The following BTBD10 variants were observed in gnomAD, a reference collection of about 807,000 sequenced individuals.
The protein encoded by BTBD10 is BTB/POZ domain-containing protein 10.
In BTBD10, 21 loss-of-function variants were observed where a neutral mutation model predicts 53.2. The ratio of observed to expected loss-of-function variants is 0.39; its 90% CI spans 0.28 to 0.57. The LOEUF (loss-of-function observed/expected upper bound fraction) is 0.57. Among genes scored for constraint, BTBD10 ranks in the 20% least tolerant of loss-of-function variants. The pLI is 0.53. For missense variants in BTBD10, 360 were observed against 594.7 expected (o/e 0.61, Z 4.10); for synonymous variants, 149 against 192.7 (o/e 0.77, Z 1.88).
intron 2 of BTBD10, among the ~76,000 whole-genome samples, chr11:13,439,313 T>G (rs1950603897): frequency 6.6e-6 from 1 of 152,074 alleles, no homozygotes; most frequent in African/African-American, 2.4e-5. Context: ...GGTTGAAAAT[T>G]TATACTCACT....
chr11:13,395,371 C>T (rs1389198934), intron 8 of BTBD10, among the ~76,000 whole-genome samples: 1 of 152,050 alleles, frequency 6.6e-6, no homozygotes, highest in Non-Finnish European at 1.5e-5. Flanking sequence ...ATATCCTTTG[C>T]CCACTTTTTG....
Position 13,421,850 on chromosome 11 carries a change from GA to G in BTBD10, c.102-13del. 6.3e-7 allele frequency: 1 copy of G among 1,581,498 alleles called. No homozygotes were observed. The highest frequency in any genetic ancestry group is 1.2e-5 in the South Asian group (1 of 86,600). The stretch of plus-strand genomic sequence containing the variant: ...TACGCGAGGAAGTACTGATAAGTTA[GA>G]AAGGAAAATTAACCATAAAAGCAGA... On this transcript the variant is annotated splice_polypyrimidine_tract_variant and intron_variant, in intron 2 of 8. Transcript: ENST00000278174.
intron 2 of BTBD10, among the ~76,000 whole-genome samples, chr11:13,433,676 A>C (rs950653060): frequency 6.6e-6 from 1 of 152,192 alleles, no homozygotes; most frequent in Non-Finnish European, 1.5e-5. Context: ...GAACACAGCC[A>C]TGTCTATTCA....
chr11:13,462,307 A>G (rs892206879), intron 1 of BTBD10, among the ~76,000 whole-genome samples: 22 of 152,214 alleles, frequency 1.4e-4, no homozygotes, highest in Non-Finnish European at 2.9e-5. Flanking sequence ...AAAGCATGAA[A>G]ACTCTGCAAG....
intron 2 of BTBD10, among the ~76,000 whole-genome samples, chr11:13,444,018 C>G (rs1950710541): frequency 6.6e-6 from 1 of 152,070 alleles, no homozygotes; most frequent in Admixed American, 6.6e-5. Flanking sequence ...AACACTCATA[C>G]AATTTGGCAT....
intron 8 of BTBD10, among the ~76,000 whole-genome samples, chr11:13,401,243 A>G (rs1329443838): frequency 6.6e-6 from 1 of 151,960 alleles, no homozygotes; most frequent in East Asian, 1.9e-4. Context: ...AATTATATGA[A>G]AATTCATTTA....
At chr11:13,416,812 A>C (rs1434248401) in intron 5 of BTBD10, among the ~76,000 whole-genome samples, 2 of 152,050 alleles carry the variant, frequency 1.3e-5, no homozygotes, top group Non-Finnish European at 2.9e-5. Context: ...CCTCGTCTCT[A>C]TAAAAAATGA....
rs1949294145 is a variant in BTBD10 at position 13,388,066 on chromosome 11, AT to A, written c.*764del. 2 of 152,692 alleles carry A rather than the reference AT, an allele frequency of 1.3e-5. No individual in the cohort carries two copies. The highest frequency in any genetic ancestry group is 4.1e-4 in the South Asian group (2 of 4,820). The allele number at this position is 152,692 out of a possible 1,614,324, so 9.5% of individuals were successfully genotyped here. Reference sequence around the variant, plus strand: ...TTTTGATGAAAAACTCAAGTTTACAATCATTTAGTAAATGAAGAGCAAACAC... The same window carrying A: ...TTTTGATGAAAAACTCAAGTTTACAACATTTAGTAAATGAAGAGCAAACAC... On this transcript the variant is annotated 3_prime_UTR_variant, in exon 9 of 9. Transcript: ENST00000278174.
chr11:13,399,175 C>G (rs1240893810), intron 8 of BTBD10, among the ~76,000 whole-genome samples: 1 of 152,226 alleles, frequency 6.6e-6, no homozygotes, highest in Non-Finnish European at 1.5e-5. Context: ...CCATCACTTT[C>G]AGGTACACCA....
intron 8 of BTBD10, among the ~76,000 whole-genome samples, chr11:13,394,670 ATATCTCC>A: frequency 6.6e-6 from 1 of 151,748 alleles, no homozygotes; most frequent in South Asian, 2.1e-4. Context: ...AGCATTAGCT[ATATCTCC>A]TAATGCTATC....
At chr11:13,438,589 T>C (rs551088198) in intron 2 of BTBD10, among the ~76,000 whole-genome samples, 1 of 151,998 alleles carries the variant, frequency 6.6e-6, no homozygotes, top group African/African-American at 2.4e-5. Context: ...TTTTCAAGGA[T>C]AGGTTACATA....
At chr11:13,457,144 A>G (rs1950986525) in intron 1 of BTBD10, among the ~76,000 whole-genome samples, 2 of 152,178 alleles carry the variant, frequency 1.3e-5, no homozygotes, top group African/African-American at 4.8e-5. Context: ...CCTAGGTGAC[A>G]GAGTGAGACC....
At position 13,417,219 on chromosome 11, in the gene BTBD10, T is replaced by C. The variant is rs770882478; in HGVS notation, c.626A>G (p.Asn209Ser). 14 of 1,613,446 alleles carry C rather than the reference T, an allele frequency of 8.7e-6. No individual in the cohort carries two copies. The highest frequency in any genetic ancestry group is 3.3e-5 in the Admixed American group (2 of 59,958). ...TGCCACCTCATACTCTCCTTTCTCA[T>C]TGGGTCGTGTAAAGTTATGTTCTCG... The part of the protein sequence containing the change: ...SGREHNFTRP[N>S]EKGEYEVAEG... The change falls in exon 5 of 9, where the codon AAT becomes AGT. Residue 209 changes from asparagine (N) to serine (S), a missense_variant. Coordinates refer to ENST00000278174, the MANE Select transcript of BTBD10 (RefSeq NM_032320.7).
chr11:13,410,043 G>A (rs1949906842), intron 6 of BTBD10, among the ~76,000 whole-genome samples: 1 of 152,104 alleles, frequency 6.6e-6, no homozygotes, highest in African/African-American at 2.4e-5. Context: ...TACATACTGA[G>A]TACAGTGTAC....
intron 2 of BTBD10, among the ~76,000 whole-genome samples, chr11:13,441,260 C>T (rs1324355510): frequency 6.6e-6 from 1 of 151,982 alleles, no homozygotes; most frequent in African/African-American, 2.4e-5. Flanking sequence ...TATACATCTA[C>T]ATTCAAAAGA....
At chr11:13,430,556 T>TA (rs1056155799) in intron 2 of BTBD10, among the ~76,000 whole-genome samples, 3 of 151,958 alleles carry the variant, frequency 2.0e-5, no homozygotes, top group Admixed American at 6.6e-5. Context: ...ACATTATCCA[T>TA]AAAAAAAATT....
intron 8 of BTBD10, among the ~76,000 whole-genome samples, chr11:13,396,823 G>C (rs1194311749): frequency 6.6e-6 from 1 of 152,168 alleles, no homozygotes; most frequent in Non-Finnish European, 1.5e-5. Context: ...CTTTGGTTCT[G>C]TTTATATGCT....
chr11:13,444,227 CTT>C (rs563326306), intron 2 of BTBD10, among the ~76,000 whole-genome samples: 1 of 145,136 alleles, frequency 6.9e-6, no homozygotes, highest in African/African-American at 2.5e-5. Flanking sequence ...AATATTATGG[CTT>C]TTTTTTTTCA....
intron 4 of BTBD10, 101 bp downstream of exon 4, chr11:13,419,359 G>A (rs1950194544): frequency 7.0e-7 from 1 of 1,429,128 alleles, no homozygotes. Context: ...AAACAGAAAT[G>A]TTACATTTCA....
Sources: allele counts gnomAD v4.1 joint callset (sites outside exome capture counted in the v4.1 genomes callset), GRCh38; gene constraint gnomAD v4.1.1; transcripts MANE v1.5; gene names NCBI Gene and HGNC (gene_info 2026-07-23, HGNC 2026-07-21).